Variants in FOXR1 observed in about 807,000 individuals in gnomAD.
FOXR1 encodes forkhead box protein R1.
In FOXR1, 25 loss-of-function variants were observed where a neutral mutation model predicts 34.5. That is an observed-to-expected ratio of 0.72 (90% CI 0.53 to 1.01). FOXR1 has a LOEUF of 1.01. Ranked by LOEUF, FOXR1 falls within the 50% of genes least tolerant of loss-of-function variation. The pLI is 0.00. For missense variants in FOXR1, 373 were observed against 376.2 expected (o/e 0.99, Z 0.07); for synonymous variants, 153 against 141.6 (o/e 1.08, Z -0.57).
chr11:118,979,368 C>G, intron 3 of FOXR1, 74 bp from the exon 4 acceptor site: 12 of 1,488,762 alleles, frequency 8.1e-6, no homozygotes, highest in Non-Finnish European at 1.1e-5. Context: ...CTTAGACCAC[C>G]CCCCCTTCCT....
At chr11:118,975,810 A>G (rs1941773234) in intron 1 of FOXR1, among the ~76,000 whole-genome samples, 1 of 152,204 alleles carries the variant, frequency 6.6e-6, no homozygotes, top group Non-Finnish European at 1.5e-5. Context: ...TCACCAGTCC[A>G]TTGATCCTAT....
At chr11:118,975,934 G>T (rs1300263261) in intron 1 of FOXR1, among the ~76,000 whole-genome samples, 1 of 152,204 alleles carries the variant, frequency 6.6e-6, no homozygotes, top group Non-Finnish European at 1.5e-5. Context: ...GGAGCACTTT[G>T]TTGGCCAAAC....
In FOXR1 at chr11:118,980,663, C is replaced by T. The variant is rs139747358; in HGVS notation, c.785C>T (p.Ala262Val). 716 of 1,613,230 alleles carry T rather than the reference C, an allele frequency of 4.4e-4. 5 individuals carry two copies. In the African/African-American group the frequency reaches 7.3e-3, roughly 16 times the overall value. The change falls in exon 5 of 6, where the codon GCG becomes GTG. Residue 262 changes from alanine to valine, a missense_variant. Coordinates refer to ENST00000317011, the MANE Select transcript of FOXR1 (RefSeq NM_181721.3). ...ACCGAGGAGGGACACCGCCGCTTTG[C>T]GGAGGAGGCCCGCGCCTTGGCTTCC... ...KLTEEGHRRF[A>V]EEARALASTR...
intron 5 of FOXR1, 69 bp from the exon 6 acceptor site, chr11:118,981,139 A>G: frequency 6.7e-7 from 1 of 1,490,650 alleles, no homozygotes; most frequent in Non-Finnish European, 9.4e-7. Flanking sequence ...CTGCTATGAG[A>G]GAGCATCCCA....
Position 118,980,651 on chromosome 11 carries a change from A to G in FOXR1, c.773A>G (p.His258Arg), listed in dbSNP as rs782700690. Residue 258 changes from histidine (H) to arginine (R), a missense_variant, in exon 5 of 6, where the codon CAC becomes CGC. By Grantham distance (29) the His-to-Arg change is conservative. Transcript: ENST00000317011. ...CTCTGGAAGTTGACCGAGGAGGGAC[A>G]CCGCCGCTTTGCGGAGGAGGCCCGC... ...SCLWKLTEEGHRRFAEEARAL... is the reference protein window; with the variant it reads ...SCLWKLTEEGRRRFAEEARAL... The G allele has an allele frequency of 6.8e-6, 11 of 1,613,204 alleles. 1 individual carries two copies. The highest frequency in any genetic ancestry group is 3.3e-5 in the South Asian group (3 of 91,066).
At position 118,978,826 on chromosome 11, in the gene FOXR1, CT is replaced by C; in HGVS notation, c.107del (p.Leu36GlnfsTer22). 3 of 1,614,218 alleles carry C rather than the reference CT, an allele frequency of 1.9e-6. No homozygotes were observed. The highest frequency in any genetic ancestry group is 2.5e-6 in the Non-Finnish European group (3 of 1,180,048). On this transcript the variant is annotated frameshift_variant, in exon 2 of 6. Transcript: ENST00000317011. LOFTEE classifies it high-confidence loss of function. Reference protein sequence around the residue: ...LRIVKPPKLPLEKKPNPDKDG... With the variant: ...LRIVKPPKLPXEKKPNPDKDG... ...AATTGTTAAGCCACCAAAATTACCC[CT>C]AGAGAAAAAACCCAACCCTGATAAG...
intron 1 of FOXR1, among the ~76,000 whole-genome samples, chr11:118,972,233 A>G (rs965724323): frequency 2.6e-5 from 4 of 151,782 alleles, no homozygotes; most frequent in Admixed American, 6.6e-5. Flanking sequence ...GCCTGACTCA[A>G]TTGGAAGCTC....
intron 1 of FOXR1, among the ~76,000 whole-genome samples, chr11:118,977,096 T>A (rs1002335717): frequency 2.0e-5 from 3 of 152,148 alleles, no homozygotes; most frequent in African/African-American, 7.2e-5. Context: ...AGTGGCACGA[T>A]CTCAGCTCAC....
At chr11:118,972,086 C>A in intron 1 of FOXR1, 94 bp downstream of exon 1, 1 of 1,204,454 alleles carries the variant, frequency 8.3e-7, no homozygotes, top group Non-Finnish European at 1.1e-6. Flanking sequence ...CCCCAGCCTT[C>A]GCCCCCACCT....
Position 118,973,275 on chromosome 11 carries a change from G to T in FOXR1, c.61+1283G>T, listed in dbSNP as rs1452237003. Among the ~76,000 whole-genome samples, 4 of 152,046 alleles carry T rather than the reference G, an allele frequency of 2.6e-5. No homozygotes were observed. The South Asian group carries it at 6.2e-4, about 24-fold the overall frequency. On this transcript the variant is annotated intron_variant, in intron 1 of 5. Transcript: ENST00000317011. ...ACAAGGAACCTTACATTCTACTGGG[G>T]GCAGACAGATAATCCACAGAAGTAT...
At chr11:118,978,527 T>A (rs1941805724) in intron 1 of FOXR1, among the ~76,000 whole-genome samples, 1 of 152,182 alleles carries the variant, frequency 6.6e-6, no homozygotes, top group Non-Finnish European at 1.5e-5. Context: ...TACATTTTTT[T>A]ATAGATGTTA....
At chr11:118,972,469 T>C (rs930857247) in intron 1 of FOXR1, among the ~76,000 whole-genome samples, 30 of 152,136 alleles carry the variant, frequency 2.0e-4, no homozygotes, top group Non-Finnish European at 8.8e-5. Flanking sequence ...CACCTACAAG[T>C]GCTCCGTACT....
intron 1 of FOXR1, among the ~76,000 whole-genome samples, chr11:118,977,660 C>T (rs540372295): frequency 1.4e-4 from 21 of 152,214 alleles, no homozygotes; most frequent in Non-Finnish European, 2.2e-4. Context: ...CTGAGCTCTC[C>T]GATAAGTATA....
intron 1 of FOXR1, 109 bp downstream of exon 1, chr11:118,972,101 G>A (rs1485914941): frequency 3.1e-6 from 3 of 961,126 alleles, no homozygotes; most frequent in Non-Finnish European, 4.4e-6. Context: ...CCACCTCCCG[G>A]GGAGGCTTGG....
intron 1 of FOXR1, among the ~76,000 whole-genome samples, chr11:118,977,495 G>T (rs1941793268): frequency 6.6e-6 from 1 of 152,040 alleles, no homozygotes; most frequent in Admixed American, 6.6e-5. Flanking sequence ...GGTGGAGATT[G>T]CAGTGAGCCG....
Position 118,972,008 on chromosome 11 carries a change from G to C in FOXR1, c.61+16G>C. 2 of 1,536,194 alleles carry C rather than the reference G, an allele frequency of 1.3e-6. No homozygotes were observed. Among genetic ancestry groups the C allele is most frequent in the African/African-American group, 1.5e-5 (1 of 68,244 alleles). ...GAGCAGAAACGTGAGTAGCGGGTGG[G>C]GTGAGGTGGGGGGCTGGGCGTGGCG... is the stretch of plus-strand genomic sequence containing the variant. On this transcript the variant is annotated intron_variant, in intron 1 of 5. Coordinates refer to ENST00000317011, the MANE Select transcript of FOXR1 (RefSeq NM_181721.3).
At chr11:118,977,016 A>G (rs1941787314) in intron 1 of FOXR1, among the ~76,000 whole-genome samples, 1 of 152,036 alleles carries the variant, frequency 6.6e-6, no homozygotes, top group South Asian at 2.1e-4. Flanking sequence ...TTTTTTGCTT[A>G]TGGTGATTTT....
intron 1 of FOXR1, among the ~76,000 whole-genome samples, chr11:118,977,828 C>G (rs1460928057): frequency 1.3e-5 from 2 of 152,084 alleles, no homozygotes; most frequent in Non-Finnish European, 2.9e-5. Flanking sequence ...AGCTCACGCC[C>G]GTAATCCCAA....
chr11:118,972,111 G>T (rs1475927484), intron 1 of FOXR1, 119 bp downstream of exon 1: 1 of 810,988 alleles, frequency 1.2e-6, no homozygotes, highest in Admixed American at 3.0e-5. Context: ...GGGAGGCTTG[G>T]GGGGCCGAGC....
Sources: allele counts gnomAD v4.1 joint callset (sites outside exome capture counted in the v4.1 genomes callset), GRCh38; gene constraint gnomAD v4.1.1; transcripts MANE v1.5; gene names NCBI Gene and HGNC (gene_info 2026-07-23, HGNC 2026-07-21).